TRPM1: variants seen among roughly 807,000 people sequenced by gnomAD.
TRPM1 encodes TRPM1-203 APA Isoform, Intron 10.
A neutral mutation model predicts 149.4 loss-of-function variants in TRPM1; 113 were observed. The ratio of observed to expected loss-of-function variants is 0.76; its 90% CI spans 0.65 to 0.88. The LOEUF (loss-of-function observed/expected upper bound fraction) is 0.88. Ranked by LOEUF, TRPM1 falls within the 40% of genes least tolerant of loss-of-function variation. The probability of loss-of-function intolerance (pLI) is 0.00; values close to 1 mark genes in which losing one functional copy is unlikely to be tolerated. For missense variants in TRPM1, 1,976 were observed against 2,038.7 expected (o/e 0.97, Z 0.59); for synonymous variants, 741 against 759.5 (o/e 0.98, Z 0.40).
chr15:31,031,767 C>T (rs1227427379), intron 22 of TRPM1, among the ~76,000 whole-genome samples: 2 of 152,134 alleles, frequency 1.3e-5, no homozygotes, highest in Non-Finnish European at 2.9e-5. Context: ...TGTACCAGTC[C>T]TAACACTGAA....
chr15:31,131,433 T>A (rs1180388480), intron 1 of TRPM1, among the ~76,000 whole-genome samples: 1 of 152,148 alleles, frequency 6.6e-6, no homozygotes, highest in African/African-American at 2.4e-5. Context: ...TGTGAAATTA[T>A]GAAGAAGGAA....
intron 11 of TRPM1, among the ~76,000 whole-genome samples, chr15:31,056,799 T>C (rs2034098678): frequency 6.6e-6 from 1 of 152,200 alleles, no homozygotes; most frequent in South Asian, 2.1e-4. Flanking sequence ...CATGGGATGA[T>C]GTAGCAAGAA....
rs2033629613 is a variant in TRPM1 at position 31,041,973 on chromosome 15, G to A, written c.2065C>T (p.Gln689Ter). ...AACTTGGAATTGTTATCCAAGTCCT[G>A]GGAGATGTCATCCACCAGATCACTC... ...SESDLVDDISQDLDNNSKDFG... is the reference protein window; with the variant it reads ...SESDLVDDIS The change falls in exon 17 of 28, where the codon CAG becomes TAG. Residue 689 changes from glutamine (Q) to a stop codon, truncating the protein, a stop_gained. Coordinates refer to ENST00000256552, the MANE Select transcript of TRPM1 (RefSeq NM_001252024.2). LOFTEE classifies it high-confidence loss of function. 1 of 1,614,018 alleles carries A rather than the reference G, an allele frequency of 6.2e-7. No individual in the cohort carries two copies. Among genetic ancestry groups the A allele is most frequent in the African/African-American group, 1.3e-5 (1 of 74,908 alleles).
intron 2 of TRPM1, among the ~76,000 whole-genome samples, chr15:31,080,728 GC>G (rs2034835181): frequency 7.9e-6 from 1 of 126,524 alleles, no homozygotes; most frequent in Admixed American, 8.4e-5. Context: ...CCCGCCCCCA[GC>G]CCCGCTCCCT....
intron 1 of TRPM1, among the ~76,000 whole-genome samples, chr15:31,134,186 T>C (rs78966733): frequency 4.6e-5 from 7 of 152,318 alleles, no homozygotes; most frequent in African/African-American, 1.7e-4. Flanking sequence ...TGGATTTCAG[T>C]TTCCTCAAAT....
chr15:31,105,468 T>TGCGC (rs1450980981), upstream of TRPM1, among the ~76,000 whole-genome samples: 2 of 131,414 alleles, frequency 1.5e-5, no homozygotes, highest in African/African-American at 7.9e-5. Flanking sequence ...TGTGTGTGTG[T>TGCGC]GTGTGCGCGC....
chr15:31,122,153 A>G (rs2035889593), intron 1 of TRPM1, among the ~76,000 whole-genome samples: 1 of 152,184 alleles, frequency 6.6e-6, no homozygotes, highest in African/African-American at 2.4e-5. Flanking sequence ...AAAAACTCTC[A>G]GCAAACTAAG....
intron 1 of TRPM1, among the ~76,000 whole-genome samples, chr15:31,123,403 G>A (rs1295997894): frequency 6.6e-6 from 1 of 152,086 alleles, no homozygotes; most frequent in Admixed American, 6.6e-5. Context: ...ACAGAGACTA[G>A]GAGAAAATAT....
chr15:31,083,829 G>A (rs1439131191), intron 1 of TRPM1, among the ~76,000 whole-genome samples: 1 of 152,174 alleles, frequency 6.6e-6, no homozygotes, highest in East Asian at 1.9e-4. Flanking sequence ...CCAGCTGAGG[G>A]TCACCTCAGT....
intron 1 of TRPM1, among the ~76,000 whole-genome samples, chr15:31,100,327 A>T (rs1272684572): frequency 1.3e-5 from 2 of 152,052 alleles, no homozygotes; most frequent in African/African-American, 4.8e-5. Flanking sequence ...TGCCTGCCTC[A>T]GCCTCCCGAA....
At chr15:31,152,626 C>T (rs547242068) in intron 1 of TRPM1, among the ~76,000 whole-genome samples, 1 of 152,126 alleles carries the variant, frequency 6.6e-6, no homozygotes, top group African/African-American at 2.4e-5. Flanking sequence ...CACAACTGAC[C>T]AGCATTGACA....
At chr15:31,032,652 A>C (rs376499688) in intron 22 of TRPM1, 37 bp downstream of exon 22, 4 of 1,614,092 alleles carry the variant, frequency 2.5e-6, no homozygotes, top group Non-Finnish European at 3.4e-6. Context: ...ACTACAGCCA[A>C]AGTCTCTCTG....
At chr15:31,156,093 A>AG in intron 1 of TRPM1, among the ~76,000 whole-genome samples, 1 of 144,360 alleles carries the variant, frequency 6.9e-6, no homozygotes, top group East Asian at 2.3e-4. Flanking sequence ...GCTACTCTGG[A>AG]GGCTGAGGCA....
Position 31,067,968 on chromosome 15 carries a change from T to G in TRPM1, c.404A>C (p.Gln135Pro). The change falls in exon 5 of 28, where the codon CAG becomes CCG. Residue 135 changes from glutamine (Q) to proline (P), a missense_variant. Around this residue, in one of 3 missense-constraint regions of TRPM1, gnomAD observed 1,332 missense variants for 1,347.1 expected, o/e 0.99. Transcript: ENST00000256552. ...CCCAAAGACTTGTTTCAGCTTGGGC[T>G]GCATCTCAAAGTTCTGGAGGCCTCC... ...VHGGLQNFEM[Q>P]PKLKQVFGKG... 6.2e-7 allele frequency: 1 copy of G among 1,614,164 alleles called. No homozygotes were observed.
At chr15:31,161,071 A>G in exon 1 of TRPM1, 1 of 1,102,098 alleles carries the variant, frequency 9.1e-7, no homozygotes, top group Non-Finnish European at 1.3e-6. Context: ...ACTCGGCGGC[A>G]GCCCCACACT....
At position 31,027,101 on chromosome 15, in the gene TRPM1, C is replaced by T; in HGVS notation, c.3310G>A (p.Val1104Ile). The change falls in exon 26 of 28, where the codon GTA becomes ATA. Residue 1104 changes from valine to isoleucine, a missense_variant. Val to Ile is a conservative substitution (Grantham distance 29). This residue lies in a region of TRPM1 where 72 missense variants were observed against 112.7 expected (regional missense o/e 0.64). Coordinates refer to ENST00000256552, the MANE Select transcript of TRPM1 (RefSeq NM_001252024.2). ...IAVFNNTFFE[V>I]KSISNQVWKF... ...CACACCTGGTTGGATATTGATTTTA[C>T]TTCAAAGAAGGTATTGCTTTAAAAA... The T allele has an allele frequency of 6.2e-7, 1 of 1,614,116 alleles. No homozygotes were observed. Among genetic ancestry groups the T allele is most frequent in the Non-Finnish European group, 8.5e-7 (1 of 1,180,026 alleles).
intron 23 of TRPM1, among the ~76,000 whole-genome samples, chr15:31,029,596 C>T (rs780623953): frequency 1.2e-4 from 18 of 152,132 alleles, no homozygotes; most frequent in Non-Finnish European, 2.2e-4. Context: ...GAATTACATA[C>T]ATTAATCATT....
chr15:31,149,313 T>C (rs2036262255), intron 1 of TRPM1, among the ~76,000 whole-genome samples: 1 of 151,900 alleles, frequency 6.6e-6, no homozygotes, highest in Non-Finnish European at 1.5e-5. Flanking sequence ...AACAACATCC[T>C]GGCTTAGCTG....
In TRPM1 at chr15:31,028,359, A is replaced by C. The variant is rs1375926135; in HGVS notation, c.3266T>G (p.Leu1089Arg). Residue 1089 changes from leucine (L) to arginine (R), a missense_variant, in exon 25 of 28, where the codon CTG (leucine) becomes CGG (arginine). This residue lies in a region of TRPM1 where 72 missense variants were observed against 112.7 expected (regional missense o/e 0.64). Coordinates refer to ENST00000256552, the MANE Select transcript of TRPM1 (RefSeq NM_001252024.2). ...GAACACAGCAATCAGCAGGTTCACC[A>C]GCAGGATGTTGGCGACCAGTAGATA... ...ACYLLVANILLVNLLIAVFNN... is the reference protein window; with the variant it reads ...ACYLLVANILRVNLLIAVFNN... The C allele has an allele frequency of 1.2e-6, 2 of 1,614,206 alleles. No individual in the cohort carries two copies. Among genetic ancestry groups the C allele is most frequent in the South Asian group, 2.2e-5 (2 of 91,082 alleles).
Sources: gnomAD v4.1 joint callset for allele counts (sites outside exome capture counted in the v4.1 genomes callset) on GRCh38, gnomAD v4.1.1 for gene constraint, gnomAD v4.1.1 regional missense constraint, MANE v1.5 for transcripts, NCBI Gene and HGNC (gene_info 2026-07-23, HGNC 2026-07-21) for gene names.